The following GRID2 variants were observed in gnomAD, a reference collection of about 807,000 sequenced individuals.
The protein encoded by GRID2 is glutamate ionotropic receptor delta type subunit 2.
In GRID2, 33 loss-of-function variants were observed where a neutral mutation model predicts 114.8. That is an observed-to-expected ratio of 0.29 (90% CI 0.22 to 0.38). The LOEUF is 0.38. Ranked by LOEUF, GRID2 falls within the 10% of genes least tolerant of loss-of-function variation. The probability of loss-of-function intolerance (pLI) is 1.00; values close to 1 mark genes in which losing one functional copy is unlikely to be tolerated. For missense variants in GRID2, 1,184 were observed against 1,257.7 expected, an observed-to-expected ratio of 0.94 and a Z score of 0.89; for synonymous variants, 505 against 449.9, an observed-to-expected ratio of 1.12 and a Z score of -1.55.
At chr4:93,315,317 C>G (rs1356928573) in intron 8 of GRID2, among the ~76,000 whole-genome samples, 1 of 152,098 alleles carries the variant, frequency 6.6e-6, no homozygotes, top group Non-Finnish European at 1.5e-5. Flanking sequence ...ATATCATAAG[C>G]TATGGGGATC....
At chr4:93,679,480 T>G (rs1273023214) in intron 14 of GRID2, among the ~76,000 whole-genome samples, 1 of 150,850 alleles carries the variant, frequency 6.6e-6, no homozygotes, top group Non-Finnish European at 1.5e-5. Context: ...TATACATTTT[T>G]TTCAGCACCA....
intron 2 of GRID2, among the ~76,000 whole-genome samples, chr4:92,613,157 T>A (rs1729837979): frequency 6.6e-6 from 1 of 151,452 alleles, no homozygotes; most frequent in Non-Finnish European, 1.5e-5. Context: ...TTTGAAATAC[T>A]TTACTTGCTC....
intron 1 of GRID2, among the ~76,000 whole-genome samples, chr4:92,342,740 G>A (rs538844995): frequency 6.6e-6 from 1 of 152,266 alleles, no homozygotes; most frequent in South Asian, 2.1e-4. Context: ...GTGAAGAAAA[G>A]CATACAGATT....
At chr4:92,962,415 C>G (rs1578614974) in intron 2 of GRID2, among the ~76,000 whole-genome samples, 1 of 151,856 alleles carries the variant, frequency 6.6e-6, no homozygotes, top group Admixed American at 6.6e-5. Flanking sequence ...TGTTCCCCCT[C>G]CCACCCTCTT....
At chr4:93,791,595 C>T (rs987251147) in intron 1 of GRID2, among the ~76,000 whole-genome samples, 1 of 152,044 alleles carries the variant, frequency 6.6e-6, no homozygotes, top group Non-Finnish European at 1.5e-5. Context: ...GTTTGTTTTT[C>T]AAATTAAAAT....
At chr4:93,573,892 C>T (rs1020490192) in intron 13 of GRID2, among the ~76,000 whole-genome samples, 4 of 152,022 alleles carry the variant, frequency 2.6e-5, no homozygotes, top group African/African-American at 4.8e-5. Flanking sequence ...AACTCCACAA[C>T]TTATTAGCTA....
chr4:92,521,843 G>A (rs1724798153), intron 1 of GRID2, among the ~76,000 whole-genome samples: 1 of 151,910 alleles, frequency 6.6e-6, no homozygotes, highest in Admixed American at 6.6e-5. Context: ...GAGAGCAGAG[G>A]CATATAATAG....
chr4:92,859,958 T>C (rs1419652432), intron 2 of GRID2, among the ~76,000 whole-genome samples: 1 of 152,106 alleles, frequency 6.6e-6, no homozygotes, highest in Non-Finnish European at 1.5e-5. Flanking sequence ...ATCAAAAATA[T>C]TTTTCTATTT....
intron 2 of GRID2, among the ~76,000 whole-genome samples, chr4:92,949,680 C>A (rs561612091): frequency 1.3e-5 from 2 of 151,352 alleles, no homozygotes; most frequent in South Asian, 4.2e-4. Context: ...GCACATTCTT[C>A]GGAGCACTCA....
At chr4:93,063,783 G>T (rs1434313869) in intron 2 of GRID2, among the ~76,000 whole-genome samples, 1 of 151,662 alleles carries the variant, frequency 6.6e-6, no homozygotes, top group African/African-American at 2.4e-5. Flanking sequence ...CCTTTTTGCA[G>T]ACAAATAAAC....
intron 2 of GRID2, among the ~76,000 whole-genome samples, chr4:93,000,280 C>G (rs907705765): frequency 1.3e-5 from 2 of 151,496 alleles, no homozygotes; most frequent in African/African-American, 4.8e-5. Flanking sequence ...TAGCCAGGGT[C>G]TTTACATAAT....
At position 92,948,959 on chromosome 4, in the gene GRID2, A is replaced by T. The variant is rs189160623; in HGVS notation, c.245-136036A>T. Among the ~76,000 whole-genome samples, 383 of 151,998 alleles carry T rather than the reference A, an allele frequency of 2.5e-3. 2 individuals carry two copies. The highest frequency in any genetic ancestry group is 3.9e-3 in the Non-Finnish European group (262 of 67,876). ...TTTCAGGAAGAAACTTCCTCCAGTCAACTCATTACTAAATATTTGTGTGAG... is the reference window on the plus strand; with the variant it reads ...TTTCAGGAAGAAACTTCCTCCAGTCTACTCATTACTAAATATTTGTGTGAG... On this transcript the variant is annotated intron_variant, in intron 2 of 15. Transcript: ENST00000282020.
At chr4:93,227,892 TA>T (rs1293471984) in intron 7 of GRID2, among the ~76,000 whole-genome samples, 3 of 152,224 alleles carry the variant, frequency 2.0e-5, no homozygotes, top group Non-Finnish European at 4.4e-5. Flanking sequence ...TCCGTATTTT[TA>T]TGAGTATTCT....
Position 92,433,047 on chromosome 4 carries a change from G to A in GRID2, c.88+128303G>A, listed in dbSNP as rs151092824. 2.9e-3 allele frequency among the ~76,000 whole-genome samples: 441 copies of A among 152,148 alleles called. 1 individual carries two copies. The highest frequency in any genetic ancestry group is 9.9e-3 in the African/African-American group (412 of 41,526). On this transcript the variant is annotated intron_variant, in intron 1 of 15. Transcript: ENST00000282020. ...GTGTGTCTAGAAGTATCATCCAGGCGCTGGGACCTGGGATGGGGGCCTCTG... is the reference window on the plus strand; with the variant it reads ...GTGTGTCTAGAAGTATCATCCAGGCACTGGGACCTGGGATGGGGGCCTCTG...
rs982928247 is a variant in GRID2, at chr4:93,241,559, G to T, written c.1245+3069G>T. ...TGCTTATGTTTACATAAAATTATTT[G>T]ATTTGCTACCACCTTGCATAAGGGT... On this transcript the variant is annotated intron_variant, in intron 8 of 15. Transcript: ENST00000282020. 4.6e-5 allele frequency among the ~76,000 whole-genome samples: 7 copies of T among 151,682 alleles called. No individual in the cohort carries two copies. In the Admixed American group the frequency reaches 4.6e-4, roughly 10 times the overall value.
At chr4:92,687,114 G>A (rs1484199743) in intron 2 of GRID2, among the ~76,000 whole-genome samples, 1 of 151,594 alleles carries the variant, frequency 6.6e-6, no homozygotes, top group Non-Finnish European at 1.5e-5. Context: ...GAGTTACCAT[G>A]CCTTTTGAGA....
chr4:92,314,639 A>T lies in GRID2; in HGVS notation c.88+9895A>T, dbSNP rs151193877. The stretch of plus-strand genomic sequence containing the variant: ...ACACCTGACCTCATGTGGTGGATGC[A>T]CAAAATTATAGAAAAAAGTTGTATG... On this transcript the variant is annotated intron_variant, in intron 1 of 15. Transcript: ENST00000282020. Among the ~76,000 whole-genome samples the T allele has an allele frequency of 2.1e-3, 314 of 152,282 alleles. 1 individual carries two copies. The highest frequency in any genetic ancestry group is 7.4e-3 in the African/African-American group (306 of 41,556).
At chr4:92,437,438 C>T (rs929378589) in intron 1 of GRID2, among the ~76,000 whole-genome samples, 1 of 152,118 alleles carries the variant, frequency 6.6e-6, no homozygotes, top group Non-Finnish European at 1.5e-5. Context: ...CCTCAAATAG[C>T]CCAGCTAATT....
At chr4:93,111,253 A>G (rs1560890619) in intron 4 of GRID2, among the ~76,000 whole-genome samples, 1 of 152,234 alleles carries the variant, frequency 6.6e-6, no homozygotes. Context: ...AAGATCAAGA[A>G]TAAATTCACA....
Sources: gnomAD v4.1 joint callset for allele counts (sites outside exome capture counted in the v4.1 genomes callset) on GRCh38, gnomAD v4.1.1 for gene constraint, MANE v1.5 for transcripts, NCBI Gene and HGNC (gene_info 2026-07-23, HGNC 2026-07-21) for gene names.